FBXO7: variants seen among roughly 807,000 people sequenced by gnomAD.
FBXO7 encodes F-box protein 7.
In FBXO7, 31 loss-of-function variants were observed where a neutral mutation model predicts 50.2. The observed-to-expected ratio is 0.62, with a 90% CI of 0.46 to 0.83. The LOEUF is 0.83. Ranked by LOEUF, FBXO7 falls within the 40% of genes least tolerant of loss-of-function variation. The pLI is 0.00. For synonymous variants in FBXO7, 256 were observed against 253.1 expected, an observed-to-expected ratio of 1.01 and a Z score of -0.11; for missense variants, 667 against 646.6, an observed-to-expected ratio of 1.03 and a Z score of -0.34.
At chr22:32,478,926 T>C in intron 1 of FBXO7, 55 bp from the exon 2 acceptor site, 5 of 1,467,096 alleles carry the variant, frequency 3.4e-6, no homozygotes, top group African/African-American at 1.4e-5. Context: ...AGATGTGCTA[T>C]TGAAGGTATT....
chr22:32,487,931 G>A (rs992686194), intron 5 of FBXO7, 103 bp downstream of exon 5: 26 of 745,190 alleles, frequency 3.5e-5, no homozygotes, highest in Middle Eastern at 2.8e-4. Context: ...TTCTATATGA[G>A]ATTAAAGCAT....
At chr22:32,495,141 T>G (rs1363404936) in intron 7 of FBXO7, among the ~76,000 whole-genome samples, 1 of 152,152 alleles carries the variant, frequency 6.6e-6, no homozygotes, top group African/African-American at 2.4e-5. Flanking sequence ...GATGTTGGAT[T>G]AGAAGCAGGT....
intron 2 of FBXO7, among the ~76,000 whole-genome samples, chr22:32,481,087 C>T (rs367981506): frequency 6.6e-6 from 1 of 152,110 alleles, no homozygotes; most frequent in Non-Finnish European, 1.5e-5. Context: ...AATTTAATTG[C>T]TGGCCTTAAA....
chr22:32,491,382 G>A, intron 6 of FBXO7: 1 of 523,434 alleles, frequency 1.9e-6, no homozygotes, highest in Non-Finnish European at 3.4e-6. Flanking sequence ...TATTTTTATT[G>A]TAGTCTCTTT....
Position 32,485,141 on chromosome 22 carries a change from A to C in FBXO7, c.719A>C (p.His240Pro), listed in dbSNP as rs372539115. The C allele has an allele frequency of 1.9e-6, 3 of 1,614,088 alleles. No individual in the cohort carries two copies. The highest frequency in any genetic ancestry group is 2.2e-5 in the East Asian group (1 of 44,886). The part of the protein sequence containing the change: ...LSGVYKLQYM[H>P]PLCEGSSATL... Reference sequence around the variant, plus strand: ...GGGGTGTATAAGCTGCAGTACATGCATCCTCTCTGCGAGGGCAGCTCCGCT... The same window carrying C: ...GGGGTGTATAAGCTGCAGTACATGCCTCCTCTCTGCGAGGGCAGCTCCGCT... The change falls in exon 4 of 9, where the codon CAT becomes CCT. Residue 240 changes from histidine to proline, a missense_variant. Transcript: ENST00000266087.
chr22:32,476,887 C>A (rs1005904376), intron 1 of FBXO7, among the ~76,000 whole-genome samples: 1 of 152,150 alleles, frequency 6.6e-6, no homozygotes, highest in Non-Finnish European at 1.5e-5. Context: ...TTAGAAATAG[C>A]TTTTCCCTTT....
In FBXO7 at chr22:32,491,115, C is replaced by G. The variant is rs765522447; in HGVS notation, c.901C>G (p.Leu301Val). Residue 301 changes from leucine (L) to valine (V), a missense_variant, in exon 6 of 9, where the codon CTT becomes GTT. By Grantham distance (32) the Leu-to-Val change is conservative (BLOSUM62 1). Transcript: ENST00000266087. ...GENVANIYKDLQKLSRLFKDQ... is the reference protein window; with the variant it reads ...GENVANIYKDVQKLSRLFKDQ... ...AAATGTAGCCAACATATACAAAGAT[C>G]TTCAGAAACTCTCTCGCCTCTTTAA... 1.2e-6 allele frequency: 2 copies of G among 1,613,414 alleles called. No individual in the cohort carries two copies. The highest frequency in any genetic ancestry group is 1.7e-6 in the Non-Finnish European group (2 of 1,179,420).
intron 2 of FBXO7, 83 bp downstream of exon 2, chr22:32,479,358 A>G (rs1416781353): frequency 2.4e-5 from 30 of 1,269,592 alleles, no homozygotes; most frequent in Non-Finnish European, 3.1e-5. Context: ...TCCAGTCAGG[A>G]TAATTATCAT....
chr22:32,496,730 T>C (rs907400398), intron 8 of FBXO7, among the ~76,000 whole-genome samples: 6 of 152,220 alleles, frequency 3.9e-5, no homozygotes, highest in African/African-American at 1.4e-4. Context: ...CGTTTTCATG[T>C]CAGCAAACAA....
At position 32,480,427 on chromosome 22, in the gene FBXO7, C is replaced by G. The variant is rs1434009373; in HGVS notation, c.417+1152C>G. Among the ~76,000 whole-genome samples the G allele has an allele frequency of 2.0e-5, 3 of 152,014 alleles. No homozygotes were observed. In the East Asian group the frequency reaches 5.8e-4, roughly 29 times the overall value. ...AACAGACCCATCATTTTCCCCCGCC[C>G]CCACCAACCAGCACATTCACCTGCT... is the stretch of plus-strand genomic sequence containing the variant. On this transcript the variant is annotated intron_variant, in intron 2 of 8. Transcript: ENST00000266087.
Position 32,483,976 on chromosome 22 carries a change from C to T in FBXO7, c.497C>T (p.Ser166Leu), listed in dbSNP as rs779737534. 1.9e-6 allele frequency: 3 copies of T among 1,614,090 alleles called. No homozygotes were observed. The highest frequency in any genetic ancestry group is 2.5e-6 in the Non-Finnish European group (3 of 1,180,032). ...GCAGAGGGCACAGGTTTCTATCCCT[C>T]AGAACCCATGCTCTGTAGTGAATCG... ...HMAEGTGFYPSEPMLCSESVE... is the reference protein window; with the variant it reads ...HMAEGTGFYPLEPMLCSESVE... Residue 166 changes from serine (S) to leucine (L), a missense_variant, in exon 3 of 9, where the codon TCA becomes TTA. Coordinates refer to ENST00000266087, the MANE Select transcript of FBXO7 (RefSeq NM_012179.4).
intron 7 of FBXO7, among the ~76,000 whole-genome samples, chr22:32,493,915 T>C (rs1601516913): frequency 6.6e-6 from 1 of 152,116 alleles, no homozygotes; most frequent in East Asian, 1.9e-4. Flanking sequence ...TCCATATTTA[T>C]TTTATAAATA....
rs561822770 is a variant in FBXO7 at position 32,479,397 on chromosome 22, T to C, written c.417+122T>C. On this transcript the variant is annotated intron_variant, in intron 2 of 8. Transcript: ENST00000266087. Reference sequence around the variant, plus strand: ...TAGATTGCACATTTTATATATATTTTTTTCTTTTTTTTTTTTTTTGAGACA... The same window carrying C: ...TAGATTGCACATTTTATATATATTTCTTTCTTTTTTTTTTTTTTTGAGACA... 7.9e-6 allele frequency: 7 copies of C among 886,736 alleles called. No homozygotes were observed. The Admixed American group carries it at 1.3e-4, about 16-fold the overall frequency. 54.9% of individuals were successfully genotyped at this position (886,736 alleles called of 1,614,324 possible). A position where few individuals can be genotyped will look rare whatever the true frequency, so the allele number is the denominator to read the frequency against.
intron 5 of FBXO7, chr22:32,489,171 A>C (rs916006514): frequency 1.1e-4 from 17 of 152,136 alleles, no homozygotes; most frequent in African/African-American, 4.1e-4. Context: ...CTCACTTCCC[A>C]AAGGAGCCGT....
At chr22:32,491,273 CTT>C (rs2057533699) in intron 6 of FBXO7, 92 bp downstream of exon 6, 1 of 898,324 alleles carries the variant, frequency 1.1e-6, no homozygotes, top group Non-Finnish European at 1.8e-6. Flanking sequence ...TGACTGCCCT[CTT>C]TTCTGCTCCT....
chr22:32,484,876 A>C (rs542071588), intron 3 of FBXO7, among the ~76,000 whole-genome samples, 192 bp from the exon 4 acceptor site: 2 of 152,318 alleles, frequency 1.3e-5, no homozygotes, highest in East Asian at 3.9e-4. Flanking sequence ...AAGTGTTCTA[A>C]TATATTATCT....
rs780036606 is a variant in FBXO7 at position 32,498,282 on chromosome 22, C to T, written c.1321C>T (p.Pro441Ser). Reference protein sequence around the residue: ...PRPFPSSRLPPGIIGGEYDQR... With the variant: ...PRPFPSSRLPSGIIGGEYDQR... ...GCCATTTCCTAGCTCCCGCCTTCCT[C>T]CAGGAATTATCGGGGGTGAATATGA... Residue 441 changes from proline to serine, a missense_variant, in exon 9 of 9, where the codon CCA becomes TCA. By Grantham distance (74) the Pro-to-Ser change is moderately conservative. Coordinates refer to ENST00000266087, the MANE Select transcript of FBXO7 (RefSeq NM_012179.4). 1 of 1,614,196 alleles carries T rather than the reference C, an allele frequency of 6.2e-7. No individual in the cohort carries two copies. The highest frequency in any genetic ancestry group is 2.2e-5 in the East Asian group (1 of 44,872).
rs1448536850 is a variant in FBXO7 at position 32,474,871 on chromosome 22, GCCTCAGCTACC to G, written c.-123_-113del. 6 of 883,086 alleles carry G rather than the reference GCCTCAGCTACC, an allele frequency of 6.8e-6. No individual in the cohort carries two copies. The highest frequency in any genetic ancestry group is 9.9e-6 in the Non-Finnish European group (6 of 606,630). The allele number at this position is 883,086 out of a possible 1,614,324, so 54.7% of individuals were successfully genotyped here. ...TGTGGCGGGGCTCTTTCCCCGTTTCGCCTCAGCTACCCCTCAGCTCCGGTAGTCGCCAGTCC... is the reference window on the plus strand; with the variant it reads ...TGTGGCGGGGCTCTTTCCCCGTTTCGCCTCAGCTCCGGTAGTCGCCAGTCC... On this transcript the variant is annotated 5_prime_UTR_variant, in exon 1 of 9. Coordinates refer to ENST00000266087, the MANE Select transcript of FBXO7 (RefSeq NM_012179.4).
intron 6 of FBXO7, 108 bp downstream of exon 6, chr22:32,491,289 G>T: frequency 1.3e-6 from 1 of 786,476 alleles, no homozygotes; most frequent in Non-Finnish European, 2.2e-6. Context: ...TGCTCCTGGC[G>T]AAATGTTCCT....
Sources: gnomAD v4.1 joint callset for allele counts (sites outside exome capture counted in the v4.1 genomes callset) on GRCh38, gnomAD v4.1.1 for gene constraint, MANE v1.5 for transcripts, NCBI Gene and HGNC (gene_info 2026-07-23, HGNC 2026-07-21) for gene names.